CENPI: variants seen among roughly 807,000 people sequenced by gnomAD.
CENPI encodes the protein centromere protein I.
CENPI carries 4 observed loss-of-function variants against 60.4 expected under a neutral mutation model. The ratio of observed to expected loss-of-function variants is 0.07; its 90% confidence interval spans 0.03 to 0.15. The LOEUF (loss-of-function observed/expected upper bound fraction) is 0.15. Ranked by LOEUF, CENPI falls within the 10% of genes least tolerant of loss-of-function variation. CENPI has a pLI of 1.00. For synonymous variants in CENPI, 157 were observed against 189.4 expected, an observed-to-expected ratio of 0.83 and a Z score of 1.40; for missense variants, 444 against 534.5, an observed-to-expected ratio of 0.83 and a Z score of 1.67.
chrX:101,103,657 AATTAC>A (rs755237449), intron 4 of CENPI, among the ~76,000 whole-genome samples: 2 of 111,958 alleles, frequency 1.8e-5, no homozygotes, highest in South Asian at 7.4e-4. Flanking sequence ...TTAGACTTTG[AATTAC>A]ATTGTTCATT....
In CENPI at chrX:101,159,642, A is replaced by G. The variant is rs188619154; in HGVS notation, c.2095-1886A>G. ...CCCAGCTAATTTTTTTTGTATTTTT[A>G]GTAGAGACGGGGTTTCACCATGTTG... On this transcript the variant is annotated intron_variant, in intron 20 of 21. Transcript: ENST00000682095. Among the ~76,000 whole-genome samples the G allele has an allele frequency of 5.4e-3, 600 of 110,306 alleles. 5 individuals are homozygous for G. The highest frequency in any genetic ancestry group is 0.016 in the African/African-American group (486 of 30,269).
intron 6 of CENPI, among the ~76,000 whole-genome samples, chrX:101,113,922 A>G (rs1425724907): frequency 8.9e-6 from 1 of 111,815 alleles, no homozygotes; most frequent in South Asian, 3.7e-4. Flanking sequence ...GAATCAGTCT[A>G]ATTGTAATCC....
At position 101,127,261 on chromosome X, in the gene CENPI, A is replaced by G; in HGVS notation, c.901A>G (p.Lys301Glu). The change falls in exon 10 of 22, where the codon AAA becomes GAA. Residue 301 changes from lysine (K) to glutamate (E), a missense_variant. Lys to Glu is a moderately conservative substitution (Grantham distance 56, BLOSUM62 1). Coordinates refer to ENST00000682095, the MANE Select transcript of CENPI (RefSeq NM_001386188.2). ...MLGPANVRPLKRKWNSLSVIP... is the reference protein window; with the variant it reads ...MLGPANVRPLERKWNSLSVIP... ...AGGTCCAGCTAATGTTCGTCCTCTA[A>G]AAAGAGTAAGTATCTAAAGCTCAAA... The G allele has an allele frequency of 4.3e-6, 5 of 1,168,503 alleles. No individual in the cohort carries two copies. Among genetic ancestry groups the G allele is most frequent in the Non-Finnish European group, 5.7e-6 (5 of 877,662 alleles).
chrX:101,140,567 C>A, intron 15 of CENPI, 99 bp from the exon 16 acceptor site: 1 of 568,519 alleles, frequency 1.8e-6, no homozygotes, highest in South Asian at 3.1e-5. Flanking sequence ...TTGATGTGGT[C>A]ATCTCCATGG....
intron 12 of CENPI, 69 bp from the exon 13 acceptor site, chrX:101,129,913 A>G: frequency 1.4e-6 from 1 of 722,354 alleles, no homozygotes; most frequent in Non-Finnish European, 2.1e-6. Context: ...CACTTTAGTG[A>G]TAATTATGTT....
At chrX:101,123,331 AT>A (rs2089699265) in intron 8 of CENPI, among the ~76,000 whole-genome samples, 1 of 111,809 alleles carries the variant, frequency 8.9e-6, no homozygotes, top group African/African-American at 3.3e-5. Context: ...CAAAAATTGT[AT>A]TTCTGGTAGC....
At chrX:101,151,560 G>A (rs772109713) in intron 20 of CENPI, among the ~76,000 whole-genome samples, 35 of 111,545 alleles carry the variant, frequency 3.1e-4, no homozygotes, top group African/African-American at 1.1e-3. Context: ...CCAGGCACGG[G>A]GTGGCTCACG....
rs775196636 is a variant in CENPI at position 101,146,186 on chromosome X, T to C, written c.1735T>C (p.Leu579=). 2.7e-5 allele frequency: 32 copies of C among 1,194,491 alleles called. No homozygotes were observed. The highest frequency in any genetic ancestry group is 6.6e-5 in the Admixed American group (3 of 45,556). The part of the protein sequence containing the change: ...CDIYINYNLP[L]VVLFPPGIFY... ...CATATATATAAATTATAACCTTCCA[T>C]TAGTGGTATTGTTTCCTCCTGGGAT... is the stretch of plus-strand genomic sequence containing the variant. The change falls in exon 18 of 22, where the codon TTA becomes CTA. Residue 579 remains leucine, a synonymous_variant. Transcript: ENST00000682095.
In CENPI at chrX:101,125,561, C is replaced by T. The variant is rs149979192; in HGVS notation, c.688-1148C>T. Among the ~76,000 whole-genome samples, 545 of 110,706 alleles carry T rather than the reference C, an allele frequency of 4.9e-3. 5 individuals are homozygous for T. Among genetic ancestry groups the T allele is most frequent in the African/African-American group, 0.016 (497 of 30,475 alleles). On this transcript the variant is annotated intron_variant, in intron 8 of 21. Transcript: ENST00000682095. The stretch of plus-strand genomic sequence containing the variant: ...ACAGGTGTGCACCATCACAGCCGGC[C>T]TAATTTTTGTATTTTTAGTAGAGAT...
intron 13 of CENPI, 71 bp downstream of exon 13, chrX:101,130,144 C>A: frequency 1.3e-6 from 1 of 781,830 alleles, no homozygotes; most frequent in South Asian, 2.4e-5. Flanking sequence ...CCATTGAAAA[C>A]CTTTTCTTGC....
At chrX:101,181,762 A>C in the CENPI span, among the ~76,000 whole-genome samples, 1 of 111,454 alleles carries the variant, frequency 9.0e-6, no homozygotes, top group Non-Finnish European at 1.9e-5. Flanking sequence ...TTTAATCTGA[A>C]TGTCTTTTAT....
rs34471591 is a variant in CENPI, at chrX:101,139,827, T to TG, written c.1471-839_1471-838insG. Among the ~76,000 whole-genome samples, 534 of 94,495 alleles carry TG rather than the reference T, an allele frequency of 5.7e-3. 1 individual carries two copies. The highest frequency in any genetic ancestry group is 0.015 in the Middle Eastern group (2 of 135). The allele number at this position is 94,495 out of a possible 115,157, so 82.1% of individuals were successfully genotyped here. The stretch of plus-strand genomic sequence containing the variant: ...TTTATGTCATTATTGTATGTTTTTT[T>TG]TTTTTTGTTTTTTGTTTTTTTTTTT... On this transcript the variant is annotated intron_variant, in intron 15 of 21. Transcript: ENST00000682095.
At chrX:101,105,262 C>T (rs990580320) in intron 4 of CENPI, among the ~76,000 whole-genome samples, 12 of 111,906 alleles carry the variant, frequency 1.1e-4, no homozygotes, top group Admixed American at 3.8e-4. Flanking sequence ...CAGTGGCTCA[C>T]GCCTGTAACC....
At chrX:101,115,934 C>G (rs770109215) in intron 6 of CENPI, among the ~76,000 whole-genome samples, 186 of 111,239 alleles carry the variant, frequency 1.7e-3, no homozygotes, top group South Asian at 8.0e-3. Context: ...TGGCTTCTTT[C>G]ACTTAACATA....
intron 4 of CENPI, 74 bp downstream of exon 4, chrX:101,102,485 T>TTA (rs374865533): frequency 0.094 from 33,406 of 354,973 alleles, 1,447 homozygotes; most frequent in Middle Eastern, 0.16. Flanking sequence ...AAAATAAATC[T>TTA]TATATATATA....
chrX:101,163,949 C>T lies in CENPI; in HGVS notation c.*982C>T, dbSNP rs1219345874. 1.8e-5 allele frequency among the ~76,000 whole-genome samples: 2 copies of T among 109,061 alleles called. No individual in the cohort carries two copies. Among genetic ancestry groups the T allele is most frequent in the African/African-American group, 3.3e-5 (1 of 29,862 alleles). 94.7% of individuals were successfully genotyped at this position (109,061 alleles called of 115,157 possible). On this transcript the variant is annotated 3_prime_UTR_variant, in exon 22 of 22. Transcript: ENST00000682095. Reference sequence around the variant, plus strand: ...ACTCAGGAGGCTGGGGCAGGAGAATCGCTTGAACCCGGGAGGCGGAGGTTG... The same window carrying T: ...ACTCAGGAGGCTGGGGCAGGAGAATTGCTTGAACCCGGGAGGCGGAGGTTG...
intron 18 of CENPI, among the ~76,000 whole-genome samples, chrX:101,146,576 A>G (rs1416332570): frequency 8.9e-6 from 1 of 111,860 alleles, no homozygotes; most frequent in African/African-American, 3.2e-5. Flanking sequence ...AAAATTAGTC[A>G]TTTGGTGATA....
intron 16 of CENPI, 44 bp downstream of exon 16, chrX:101,140,804 A>T: frequency 1.1e-6 from 1 of 928,210 alleles, no homozygotes; most frequent in Non-Finnish European, 1.6e-6. Context: ...TCTGTATACA[A>T]ATGTTTGCAT....
chrX:101,147,607 G>A (rs2089973368), intron 18 of CENPI, among the ~76,000 whole-genome samples, 156 bp from the exon 19 acceptor site: 1 of 111,730 alleles, frequency 9.0e-6, no homozygotes, highest in Non-Finnish European at 1.9e-5. Flanking sequence ...TATCACAAAA[G>A]GATAAAATCC....
Sources: gnomAD v4.1 joint callset for allele counts (sites outside exome capture counted in the v4.1 genomes callset) on GRCh38, gnomAD v4.1.1 for gene constraint, MANE v1.5 for transcripts, NCBI Gene and HGNC (gene_info 2026-07-23, HGNC 2026-07-21) for gene names.